The following SAXO3 variants were observed in gnomAD, a reference collection of about 807,000 sequenced individuals.
The protein encoded by SAXO3 is CTB-60B18.10.
the SAXO3 span, chr19:49,020,064 G>C: frequency 1.4e-6 from 2 of 1,421,252 alleles, no homozygotes; most frequent in Non-Finnish European, 9.1e-7. Flanking sequence ...GCCCAGTTGT[G>C]AGAATCCTGC....
the SAXO3 span, chr19:49,018,734 T>C: frequency 1.3e-6 from 1 of 743,862 alleles, no homozygotes; most frequent in Non-Finnish European, 2.2e-6. Flanking sequence ...GGCTGAGGCC[T>C]GAACTTTGGT....
chr19:49,018,650 A>G, the SAXO3 span, among the ~76,000 whole-genome samples: 1 of 151,980 alleles, frequency 6.6e-6, no homozygotes, highest in Non-Finnish European at 1.5e-5. Flanking sequence ...GCCGCTGTGC[A>G]GGCTTCCTGT....
chr19:49,020,274 T>A, the SAXO3 span: 1 of 448,834 alleles, frequency 2.2e-6, no homozygotes, highest in Non-Finnish European at 3.9e-6. Context: ...TCCAGGACCC[T>A]CCTCCTTCAG....
the SAXO3 span, chr19:49,020,484 C>A: frequency 3.5e-5 from 14 of 398,788 alleles, no homozygotes; most frequent in Non-Finnish European, 5.7e-5. Context: ...TGCAGAGATA[C>A]GACAGCCCGG....
the SAXO3 span, chr19:49,018,447 C>T: frequency 1.5e-6 from 1 of 673,108 alleles, no homozygotes; most frequent in Non-Finnish European, 2.1e-6. Flanking sequence ...CATTTCCAGG[C>T]GAGCACCCCT....
the SAXO3 span, chr19:49,019,295 G>GCT: frequency 2.8e-6 from 3 of 1,086,688 alleles, no homozygotes; most frequent in East Asian, 6.7e-5. Context: ...CCCTGGTTCC[G>GCT]CTCTGTCTTA....
the SAXO3 span, chr19:49,018,384 G>C: frequency 4.3e-6 from 5 of 1,154,574 alleles, no homozygotes; most frequent in Non-Finnish European, 5.4e-6. Flanking sequence ...CTGGATCCTT[G>C]GGGACGAGTT....
chr19:49,018,019 G>C, the SAXO3 span: 1 of 398,634 alleles, frequency 2.5e-6, no homozygotes, highest in East Asian at 3.6e-5. Flanking sequence ...CGGTACTGTA[G>C]GCTTTCGGCA....
the SAXO3 span, chr19:49,019,011 T>C: frequency 7.2e-4 from 1,101 of 1,530,388 alleles, 3 homozygotes; most frequent in Non-Finnish European, 8.4e-4. Context: ...CTGAGCAAGA[T>C]TGGGGGAGGA....
the SAXO3 span, chr19:49,019,805 T>A: frequency 1.6e-6 from 2 of 1,244,928 alleles, no homozygotes; most frequent in Non-Finnish European, 2.1e-6. Flanking sequence ...CCGCGGTGTC[T>A]GAGCTGCGGA....
chr19:49,019,498 T>C, the SAXO3 span: 14 of 1,155,630 alleles, frequency 1.2e-5, no homozygotes, highest in Non-Finnish European at 1.4e-5. Context: ...TGGCCTGGCC[T>C]AATGCCCAGC....
chr19:49,019,546 A>T, the SAXO3 span: 1 of 1,177,994 alleles, frequency 8.5e-7, no homozygotes, highest in East Asian at 3.2e-5. Flanking sequence ...ATCCCGCCCC[A>T]GACCCTTTAG....
the SAXO3 span, chr19:49,019,548 A>G: frequency 1.2e-5 from 14 of 1,172,602 alleles, no homozygotes; most frequent in African/African-American, 2.1e-4. Flanking sequence ...CCCGCCCCAG[A>G]CCCTTTAGCC....
chr19:49,018,127 G>C, the SAXO3 span: 1 of 399,810 alleles, frequency 2.5e-6, no homozygotes, highest in East Asian at 3.6e-5. Flanking sequence ...GCAGCAGGGG[G>C]CTGTAGGACT....
At chr19:49,018,281 G>C in the SAXO3 span, 3 of 1,109,954 alleles carry the variant, frequency 2.7e-6, no homozygotes, top group African/African-American at 4.9e-5. Context: ...GACCTGGGGC[G>C]TCTCTTCGAA....
chr19:49,018,409 C>T, the SAXO3 span: 5 of 952,536 alleles, frequency 5.2e-6, no homozygotes, highest in Non-Finnish European at 6.8e-6. Context: ...ACCTCGGGAT[C>T]TAAGGAGTCT....
the SAXO3 span, chr19:49,018,127 G>A: frequency 5.0e-6 from 2 of 399,696 alleles, no homozygotes; most frequent in African/African-American, 2.1e-5. Flanking sequence ...GCAGCAGGGG[G>A]CTGTAGGACT....
At chr19:49,019,004 A>C in the SAXO3 span, 3 of 1,531,880 alleles carry the variant, frequency 2.0e-6, no homozygotes, top group Non-Finnish European at 2.6e-6. Flanking sequence ...TTAGAGCCTG[A>C]GCAAGATTGG....
At chr19:49,020,024 G>A in the SAXO3 span, 1 of 1,469,062 alleles carries the variant, frequency 6.8e-7, no homozygotes, top group Non-Finnish European at 8.9e-7. Flanking sequence ...GCCAGAGGTT[G>A]TCTCCCATCT....
Sources: allele counts gnomAD v4.1 joint callset (sites outside exome capture counted in the v4.1 genomes callset), GRCh38; gene constraint gnomAD v4.1.1; transcripts MANE v1.5; gene names NCBI Gene and HGNC (gene_info 2026-07-23, HGNC 2026-07-21).